The following RYR3 variants were observed in gnomAD, a reference collection of about 807,000 sequenced individuals.
RYR3 encodes ryanodine receptor 3.
Under a neutral mutation model 584.3 loss-of-function variants are expected in RYR3, and 207 were observed. The ratio of observed to expected loss-of-function variants is 0.35; its 90% confidence interval spans 0.32 to 0.40. The LOEUF is 0.40. Among genes scored for constraint, RYR3 ranks in the 10% least tolerant of loss-of-function variants. The probability of loss-of-function intolerance (pLI) is 1.00; values close to 1 mark genes in which losing one functional copy is unlikely to be tolerated. For missense variants in RYR3, 5,616 were observed against 6,089.2 expected, an observed-to-expected ratio of 0.92 and a Z score of 2.59; for synonymous variants, 2,416 against 2,248.5, an observed-to-expected ratio of 1.07 and a Z score of -2.11.
At chr15:33,790,294 TTTTGTTTGTTTGTTTG>T (rs140040670) in intron 67 of RYR3, among the ~76,000 whole-genome samples, 15 of 150,178 alleles carry the variant, frequency 1.0e-4, no homozygotes, top group African/African-American at 4.9e-5. Context: ...TGCCCAGCCC[TTTTGTTTGTTTGTTTG>T]TTTGTTTGTT....
In RYR3 at chr15:33,699,717, A is replaced by G; in HGVS notation, c.6263A>G (p.Lys2088Arg). ...TTCTCCCTACAGATTGCATTTCCAA[A>G]GATGGTTGCTAGCTGCTGCCGTTTC... ...GTEKSQIAFPKMVASCCRFLC... is the reference protein window; with the variant it reads ...GTEKSQIAFPRMVASCCRFLC... The change falls in exon 41 of 104, where the codon AAG (lysine) becomes AGG (arginine). Residue 2088 changes from lysine (K) to arginine (R), a missense_variant. Lys to Arg is a conservative substitution (Grantham distance 26, BLOSUM62 2). Around this residue, in one of 9 missense-constraint regions of RYR3, gnomAD observed 1,280 missense variants for 1,426.2 expected, o/e 0.90. Coordinates refer to ENST00000634891, the MANE Select transcript of RYR3 (RefSeq NM_001036.6). 1.2e-6 allele frequency: 2 copies of G among 1,613,728 alleles called. No homozygotes were observed. Among genetic ancestry groups the G allele is most frequent in the Non-Finnish European group, 1.7e-6 (2 of 1,179,776 alleles).
At chr15:33,544,137 G>C (rs549284499) in intron 8 of RYR3, among the ~76,000 whole-genome samples, 1 of 152,130 alleles carries the variant, frequency 6.6e-6, no homozygotes, top group Non-Finnish European at 1.5e-5. Context: ...TGCCAAGGGT[G>C]CATTTAGAGG....
At chr15:33,438,828 A>AT (rs1349672397) in intron 1 of RYR3, among the ~76,000 whole-genome samples, 4 of 152,208 alleles carry the variant, frequency 2.6e-5, no homozygotes, top group African/African-American at 9.6e-5. Flanking sequence ...ATTGCACATT[A>AT]TTATTTACAT....
At chr15:33,836,354 A>G (rs1390210507) in intron 87 of RYR3, among the ~76,000 whole-genome samples, 2 of 152,120 alleles carry the variant, frequency 1.3e-5, no homozygotes, top group African/African-American at 4.8e-5. Context: ...CATTGCTGAA[A>G]TTAAAACCAA....
chr15:33,623,971 C>T lies in RYR3; in HGVS notation c.2522C>T (p.Thr841Ile). ...GGCATTAGAGATCTCTTGGGTACCA[C>T]CCAGTTCCTCTCCCAAGCCTCTTTC... Reference protein sequence around the residue: ...ADGIRDLLGTTQFLSQASFIP... With the variant: ...ADGIRDLLGTIQFLSQASFIP... Residue 841 changes from threonine (T) to isoleucine (I), a missense_variant, in exon 20 of 104, where the codon ACC (threonine) becomes ATC (isoleucine). This residue lies in a region of RYR3 where 1,284 missense variants were observed against 1,344.6 expected (regional missense o/e 0.95). Transcript: ENST00000634891. 1.2e-6 allele frequency: 2 copies of T among 1,613,982 alleles called. No individual in the cohort carries two copies. Among genetic ancestry groups the T allele is most frequent in the Non-Finnish European group, 1.7e-6 (2 of 1,179,866 alleles).
intron 43 of RYR3, among the ~76,000 whole-genome samples, chr15:33,710,227 T>G (rs1296813304): frequency 6.6e-6 from 1 of 151,986 alleles, no homozygotes; most frequent in African/African-American, 2.4e-5. Context: ...AAACTTCTGG[T>G]GAAGCCTCAG....
At chr15:33,790,921 A>G (rs561933462) in intron 67 of RYR3, among the ~76,000 whole-genome samples, 2 of 152,322 alleles carry the variant, frequency 1.3e-5, no homozygotes, top group South Asian at 2.1e-4. Flanking sequence ...GGAAAGAATG[A>G]CCAACTGTTT....
At chr15:33,372,450 C>T (rs2040407400) in intron 1 of RYR3, among the ~76,000 whole-genome samples, 1 of 150,240 alleles carries the variant, frequency 6.7e-6, no homozygotes, top group African/African-American at 2.5e-5. Context: ...CTGCAAGCTC[C>T]ACCTCCTGGG....
chr15:33,548,605 G>A (rs1042583988), intron 9 of RYR3, among the ~76,000 whole-genome samples: 6 of 152,162 alleles, frequency 3.9e-5, no homozygotes, highest in Non-Finnish European at 8.8e-5. Context: ...ACAGGTGGTC[G>A]CGATTGCATA....
intron 64 of RYR3, among the ~76,000 whole-genome samples, chr15:33,774,645 A>G (rs879630449): frequency 8.5e-5 from 13 of 152,244 alleles, no homozygotes; most frequent in Admixed American, 2.6e-4. Flanking sequence ...CACGGCTTCT[A>G]AATAGCTTCC....
At chr15:33,495,868 G>T (rs1163798195) in intron 2 of RYR3, among the ~76,000 whole-genome samples, 2 of 152,206 alleles carry the variant, frequency 1.3e-5, no homozygotes, top group Non-Finnish European at 2.9e-5. Context: ...CTTCACCTTT[G>T]AAGTATAACT....
In RYR3 at chr15:33,540,816, T is replaced by C. The variant is rs766105651; in HGVS notation, c.572T>C (p.Ile191Thr). ...CATCTCTCAGTATCAAATGGTAACA[T>C]ACAAGTGGATGCCTCCTTTATGCAA... is the stretch of plus-strand genomic sequence containing the variant. The part of the protein sequence containing the change: ...YLHLSVSNGN[I>T]QVDASFMQTL... The change falls in exon 7 of 104, where the codon ATA becomes ACA. Residue 191 changes from isoleucine to threonine, a missense_variant. Physicochemically the swap from Ile to Thr is moderately conservative, Grantham distance 89. Transcript: ENST00000634891. 1 of 1,611,562 alleles carries C rather than the reference T, an allele frequency of 6.2e-7. No homozygotes were observed. Among genetic ancestry groups the C allele is most frequent in the African/African-American group, 1.3e-5 (1 of 74,966 alleles).
rs368934190 is a variant in RYR3, at chr15:33,788,435, G to T, written c.9807G>T (p.Leu3269=). 1.9e-6 allele frequency: 3 copies of T among 1,613,764 alleles called. No individual in the cohort carries two copies. The highest frequency in any genetic ancestry group is 2.7e-5 in the African/African-American group (2 of 74,924). The change falls in exon 67 of 104, where the codon CTG becomes CTT. Residue 3269 remains leucine (L), a synonymous_variant. Transcript: ENST00000634891. ...ATCTCTATGCCTTCTACCCCATGCTGATCCGCTACGTGGACAACAACAGGT... is the reference window on the plus strand; with the variant it reads ...ATCTCTATGCCTTCTACCCCATGCTTATCCGCTACGTGGACAACAACAGGT... The part of the protein sequence containing the change: ...CRDLYAFYPM[L]IRYVDNNRSN...
chr15:33,765,358 C>A (rs533554057), intron 60 of RYR3, among the ~76,000 whole-genome samples: 2 of 152,014 alleles, frequency 1.3e-5, no homozygotes, highest in Non-Finnish European at 2.9e-5. Context: ...GGAGGCCAGG[C>A]GCGGTGGCTC....
chr15:33,756,126 A>T (rs147056535), intron 58 of RYR3, among the ~76,000 whole-genome samples, 180 bp from the exon 59 acceptor site: 1 of 152,324 alleles, frequency 6.6e-6, no homozygotes, highest in Non-Finnish European at 1.5e-5. Context: ...GAAACAGCTT[A>T]AAGAATTGAC....
chr15:33,704,472 C>T (rs1596247561), intron 42 of RYR3, among the ~76,000 whole-genome samples: 1 of 152,162 alleles, frequency 6.6e-6, no homozygotes, highest in Non-Finnish European at 1.5e-5. Context: ...CCACCTCCTG[C>T]ATACACACAA....
At chr15:33,626,506 C>T (rs1350587235) in intron 20 of RYR3, among the ~76,000 whole-genome samples, 1 of 152,196 alleles carries the variant, frequency 6.6e-6, no homozygotes, top group African/African-American at 2.4e-5. Context: ...GGGAGAAATT[C>T]AAGCCCACTG....
chr15:33,713,251 G>A (rs1478146833), intron 43 of RYR3, among the ~76,000 whole-genome samples: 1 of 151,950 alleles, frequency 6.6e-6, no homozygotes, highest in Admixed American at 6.6e-5. Flanking sequence ...GGGTGTTCAT[G>A]GTGGGTAATG....
At chr15:33,777,210 C>T (rs1410617691) in intron 64 of RYR3, among the ~76,000 whole-genome samples, 2 of 152,296 alleles carry the variant, frequency 1.3e-5, no homozygotes, top group Non-Finnish European at 1.5e-5. Flanking sequence ...GTTTCCATAT[C>T]CAATGATAAA....
Sources: allele counts gnomAD v4.1 joint callset (sites outside exome capture counted in the v4.1 genomes callset), GRCh38; gene constraint gnomAD v4.1.1; regional missense constraint gnomAD v4.1.1; transcripts MANE v1.5; gene names NCBI Gene and HGNC (gene_info 2026-07-23, HGNC 2026-07-21).